The following CTDP1 variants were observed in gnomAD, a reference collection of about 807,000 sequenced individuals.
CTDP1 encodes RNA polymerase II subunit A C-terminal domain phosphatase.
Under a neutral mutation model 91.8 loss-of-function variants are expected in CTDP1, and 47 were observed. The ratio of observed to expected loss-of-function variants is 0.51; its 90% CI spans 0.41 to 0.65. The LOEUF (loss-of-function observed/expected upper bound fraction) is 0.65. Ranked by LOEUF, CTDP1 falls within the 30% of genes least tolerant of loss-of-function variation. The pLI is 0.00. For synonymous variants in CTDP1, 656 were observed against 598.5 expected (o/e 1.10, Z -1.40); for missense variants, 1,272 against 1,373.7 (o/e 0.93, Z 1.17).
chr18:79,686,159 G>T (rs1019907336), intron 1 of CTDP1, among the ~76,000 whole-genome samples: 6 of 152,184 alleles, frequency 3.9e-5, no homozygotes, highest in African/African-American at 1.4e-4. Context: ...TTAGATAAAG[G>T]ACTTTGAAGC....
intron 4 of CTDP1, among the ~76,000 whole-genome samples, chr18:79,701,026 G>A (rs1343518122): frequency 2.0e-5 from 3 of 152,174 alleles, no homozygotes; most frequent in Non-Finnish European, 4.4e-5. Flanking sequence ...GCCCGCTCTT[G>A]AGACCTGTTA....
intron 5 of CTDP1, 152 bp from the exon 6 acceptor site, chr18:79,710,194 C>T: frequency 1.4e-6 from 1 of 729,394 alleles, no homozygotes; most frequent in East Asian, 2.5e-5. Context: ...CCACACGAGC[C>T]ACGTCTTACC....
intron 12 of CTDP1, among the ~76,000 whole-genome samples, chr18:79,740,686 A>G (rs141605997): frequency 2.6e-5 from 4 of 152,178 alleles, no homozygotes; most frequent in African/African-American, 7.2e-5. Flanking sequence ...CAGAATCTTA[A>G]TGTCAGTTGA....
At chr18:79,691,213 G>C (rs1022075577) in intron 1 of CTDP1, among the ~76,000 whole-genome samples, 5 of 152,202 alleles carry the variant, frequency 3.3e-5, no homozygotes, top group African/African-American at 1.2e-4. Flanking sequence ...TACACTGTTG[G>C]TGACAGCAGG....
upstream of CTDP1, chr18:79,678,459 CCT>C (rs2085282129): frequency 6.6e-6 from 1 of 152,164 alleles, no homozygotes; most frequent in Non-Finnish European, 1.5e-5. Context: ...TCCCTGGCCC[CCT>C]TTTTTGCCTT....
chr18:79,723,343 C>A (rs1048159085), intron 10 of CTDP1, among the ~76,000 whole-genome samples: 4 of 152,164 alleles, frequency 2.6e-5, no homozygotes, highest in Non-Finnish European at 5.9e-5. Flanking sequence ...GGAGGTGGCC[C>A]CGTCTCCCCA....
At chr18:79,707,497 C>G (rs1376732968) in intron 5 of CTDP1, among the ~76,000 whole-genome samples, 1 of 152,248 alleles carries the variant, frequency 6.6e-6, no homozygotes, top group Non-Finnish European at 1.5e-5. Flanking sequence ...GTTTGTTGAG[C>G]GTCACCGGGC....
In CTDP1 at chr18:79,739,850, T is replaced by TCGGCG. The variant is rs1288194047; in HGVS notation, c.2747+3330_2747+3331insGGCGC. Among the ~76,000 whole-genome samples, 302 of 83,656 alleles carry TCGGCG rather than the reference T, an allele frequency of 3.6e-3. 16 individuals are homozygous for TCGGCG. The highest frequency in any genetic ancestry group is 0.017 in the Middle Eastern group (3 of 176). The allele number at this position is 83,656 out of a possible 152,430, so 54.9% of individuals were successfully genotyped here. ...TACCCACGGCCGGGACGGGTGGGAC[T>TCGGCG]CTCATACCCACGGCCGGGACGGGTG... On this transcript the variant is annotated intron_variant, in intron 12 of 12. Coordinates refer to ENST00000613122, the MANE Select transcript of CTDP1 (RefSeq NM_004715.5).
intron 1 of CTDP1, among the ~76,000 whole-genome samples, chr18:79,693,674 A>C (rs1599206247): frequency 6.6e-6 from 1 of 152,050 alleles, no homozygotes; most frequent in African/African-American, 2.4e-5. Flanking sequence ...CCGGCAGCCC[A>C]CTCCATCCCC....
At chr18:79,752,132 T>A (rs552129374) in intron 12 of CTDP1, among the ~76,000 whole-genome samples, 2 of 152,366 alleles carry the variant, frequency 1.3e-5, no homozygotes, top group East Asian at 3.9e-4. Flanking sequence ...TGTGCCCCGA[T>A]CAAGTCGGCT....
Position 79,717,638 on chromosome 18 carries a change from G to A in CTDP1, c.2172G>A (p.Gln724=), listed in dbSNP as rs1157208759. 3 of 1,614,022 alleles carry A rather than the reference G, an allele frequency of 1.9e-6. No homozygotes were observed. The highest frequency in any genetic ancestry group is 2.5e-6 in the Non-Finnish European group (3 of 1,179,970). ...CLERWDKVEE[Q]LFPLRDDHTK... The stretch of plus-strand genomic sequence containing the variant: ...AGCGCTGGGACAAGGTGGAGGAGCA[G>A]CTCTTCCCGCTCAGGGACGATCACA... Residue 724 remains glutamine (Q), a synonymous_variant, in exon 9 of 13, where the codon CAG becomes CAA. Transcript: ENST00000613122.
Position 79,715,531 on chromosome 18 carries a change from G to C in CTDP1, c.2068+3G>C. On this transcript the variant is annotated splice_donor_region_variant and intron_variant, in intron 8 of 12. Coordinates refer to ENST00000613122, the MANE Select transcript of CTDP1 (RefSeq NM_004715.5). ...GCACCTGATCGCCGCGCGAGCTGGT[G>C]AGTGCTGCCTCCCTGTGCCCTGGGC... 1 of 1,546,972 alleles carries C rather than the reference G, an allele frequency of 6.5e-7. No individual in the cohort carries two copies. Among genetic ancestry groups the C allele is most frequent in the Non-Finnish European group, 8.7e-7 (1 of 1,150,186 alleles).
chr18:79,684,613 G>C (rs141935862), intron 1 of CTDP1, among the ~76,000 whole-genome samples: 1 of 139,686 alleles, frequency 7.2e-6, no homozygotes, highest in Non-Finnish European at 1.5e-5. Context: ...CGTTGCCTGC[G>C]TTGTTGTCAC....
chr18:79,693,895 T>C, intron 1 of CTDP1, among the ~76,000 whole-genome samples: 1 of 135,604 alleles, frequency 7.4e-6, no homozygotes, highest in Non-Finnish European at 1.5e-5. Flanking sequence ...GCCCCTCCGC[T>C]CCCCTGCAGG....
intron 2 of CTDP1, 131 bp downstream of exon 2, chr18:79,695,439 T>G: frequency 1.3e-6 from 1 of 785,766 alleles, no homozygotes; most frequent in Non-Finnish European, 2.2e-6. Flanking sequence ...ACGCCTCCCT[T>G]GGGCCCCATA....
intron 2 of CTDP1, 105 bp downstream of exon 2, chr18:79,695,413 C>G: frequency 9.7e-7 from 1 of 1,035,532 alleles, no homozygotes; most frequent in Non-Finnish European, 1.5e-6. Flanking sequence ...CCTTGGTTTC[C>G]CAGCGGCAGA....
Position 79,713,144 on chromosome 18 carries a change from T to C in CTDP1, c.1030+6T>C. 6.2e-7 allele frequency: 1 copy of C among 1,613,654 alleles called. No homozygotes were observed. Among genetic ancestry groups the C allele is most frequent in the Non-Finnish European group, 8.5e-7 (1 of 1,179,692 alleles). The stretch of plus-strand genomic sequence containing the variant: ...ATCTCAGACGAGAAAGAAAGGTGGG[T>C]AACCTCCTTCCTGATTCTCTAGAAG... On this transcript the variant is annotated splice_donor_region_variant and intron_variant, in intron 7 of 12. Coordinates refer to ENST00000613122, the MANE Select transcript of CTDP1 (RefSeq NM_004715.5). This position sits in a 1 kb window ranked among gnomAD's most constrained non-coding sequence, Gnocchi z 4.7.
chr18:79,742,064 A>G (rs489025), intron 12 of CTDP1, among the ~76,000 whole-genome samples: 68,627 of 150,778 alleles, frequency 0.46, 15,818 homozygotes, highest in Middle Eastern at 0.54. Context: ...CAGAGGAAGC[A>G]TGAGGCGTCG....
At position 79,754,089 on chromosome 18, in the gene CTDP1, G is replaced by A. The variant is rs2087056747; in HGVS notation, c.*299G>A. ...CGCCCGCTGTCTCGGTAAGGGGCGGGTTGGTGTGTTTTCCCCTTGTGTACC... is the reference window on the plus strand; with the variant it reads ...CGCCCGCTGTCTCGGTAAGGGGCGGATTGGTGTGTTTTCCCCTTGTGTACC... On this transcript the variant is annotated 3_prime_UTR_variant, in exon 13 of 13. Transcript: ENST00000613122. The A allele has an allele frequency of 6.7e-6, 3 of 445,850 alleles. No homozygotes were observed. Among genetic ancestry groups the A allele is most frequent in the South Asian group, 6.3e-5 (3 of 47,748 alleles). 27.6% of individuals were successfully genotyped at this position (445,850 alleles called of 1,614,324 possible). A position where few individuals can be genotyped will look rare whatever the true frequency, so the allele number is the denominator to read the frequency against.
Sources: allele counts gnomAD v4.1 joint callset (sites outside exome capture counted in the v4.1 genomes callset), GRCh38; gene constraint gnomAD v4.1.1; non-coding constraint Gnocchi (gnomAD v3.1); transcripts MANE v1.5; gene names NCBI Gene and HGNC (gene_info 2026-07-23, HGNC 2026-07-21).